Variants in PTN observed in about 807,000 individuals in gnomAD.
The protein encoded by PTN is heparin affin regulatory protein.
Under a neutral mutation model 24.1 loss-of-function variants are expected in PTN, and 18 were observed. The observed-to-expected ratio is 0.75, with a 90% CI of 0.52 to 1.11. The LOEUF is 1.11. PTN is among the 50% of genes least tolerant of loss of function. The pLI, the probability that PTN is intolerant of heterozygous loss-of-function variation, is 0.00. For synonymous variants in PTN, 78 were observed against 68.6 expected (o/e 1.14, Z -0.67); for missense variants, 163 against 198.8 (o/e 0.82, Z 1.08).
intron 1 of PTN, among the ~76,000 whole-genome samples, chr7:137,339,037 AG>A (rs1810492567): frequency 6.6e-6 from 1 of 152,106 alleles, no homozygotes; most frequent in Admixed American, 6.5e-5. Context: ...GAAAAAAAAA[AG>A]CAAAACAAAA....
At chr7:137,272,152 T>C (rs1341573771) in intron 1 of PTN, among the ~76,000 whole-genome samples, 1 of 152,216 alleles carries the variant, frequency 6.6e-6, no homozygotes, top group Non-Finnish European at 1.5e-5. Flanking sequence ...TCCTAATTCA[T>C]CTTCCTGTTG....
chr7:137,289,945 A>G (rs1264801905), intron 1 of PTN, among the ~76,000 whole-genome samples: 1 of 152,158 alleles, frequency 6.6e-6, no homozygotes, highest in African/African-American at 2.4e-5. Flanking sequence ...AATTTGTTAT[A>G]TGGTGTATTA....
At chr7:137,337,440 C>A (rs2128883754) in intron 1 of PTN, among the ~76,000 whole-genome samples, 1 of 152,052 alleles carries the variant, frequency 6.6e-6, no homozygotes, top group South Asian at 2.1e-4. Flanking sequence ...ACTCAATCTA[C>A]CTGAGTAGAG....
At chr7:137,291,211 T>C (rs1344198839) in intron 1 of PTN, among the ~76,000 whole-genome samples, 1 of 152,182 alleles carries the variant, frequency 6.6e-6, no homozygotes, top group African/African-American at 2.4e-5. Context: ...TGCACACATA[T>C]GCAATATGCC....
At chr7:137,295,479 C>G (rs557780838) in intron 1 of PTN, among the ~76,000 whole-genome samples, 20 of 152,114 alleles carry the variant, frequency 1.3e-4, no homozygotes, top group African/African-American at 4.8e-4. Flanking sequence ...CAAATAGGCA[C>G]TAGTCCCATG....
At chr7:137,278,153 A>G (rs1218355458) in intron 1 of PTN, among the ~76,000 whole-genome samples, 1 of 150,690 alleles carries the variant, frequency 6.6e-6, no homozygotes, top group East Asian at 2.0e-4. Flanking sequence ...TAAAAATACA[A>G]AAAATTAGCC....
At chr7:137,325,534 AG>A (rs2128881952) in intron 1 of PTN, 1 of 152,722 alleles carries the variant, frequency 6.5e-6, no homozygotes, top group East Asian at 1.9e-4. Context: ...CACCCAGGGC[AG>A]GGGCCCTTTC....
intron 1 of PTN, among the ~76,000 whole-genome samples, chr7:137,287,263 G>T (rs1370733600): frequency 1.3e-5 from 2 of 152,108 alleles, no homozygotes; most frequent in East Asian, 1.9e-4. Flanking sequence ...TGAACAATTT[G>T]CTGTCACCTC....
At chr7:137,236,161 G>A (rs146023040) in intron 4 of PTN, 275 of 701,900 alleles carry the variant, frequency 3.9e-4, no homozygotes, top group African/African-American at 3.8e-3. Context: ...ATCAGTAGAC[G>A]AATCCATCTC....
intron 1 of PTN, among the ~76,000 whole-genome samples, chr7:137,283,264 C>T (rs1809501880): frequency 6.6e-6 from 1 of 152,094 alleles, no homozygotes; most frequent in South Asian, 2.1e-4. Flanking sequence ...GAACAATTGC[C>T]CAGGAAGCCA....
intron 1 of PTN, among the ~76,000 whole-genome samples, chr7:137,341,267 T>G (rs1464524943): frequency 6.6e-6 from 1 of 152,230 alleles, no homozygotes; most frequent in Non-Finnish European, 1.5e-5. Flanking sequence ...CAACTAGGCT[T>G]TTATGAAATT....
intron 1 of PTN, among the ~76,000 whole-genome samples, chr7:137,312,492 T>C (rs1809998373): frequency 6.6e-6 from 1 of 152,248 alleles, no homozygotes; most frequent in South Asian, 2.1e-4. Flanking sequence ...GATGCATACT[T>C]GCAATCTCCA....
intron 1 of PTN, among the ~76,000 whole-genome samples, chr7:137,332,585 C>G (rs369826234): frequency 2.6e-5 from 4 of 152,030 alleles, no homozygotes; most frequent in Admixed American, 6.6e-5. Flanking sequence ...GCATAGACAC[C>G]GGTTAAAAAT....
intron 1 of PTN, among the ~76,000 whole-genome samples, chr7:137,268,586 G>C (rs1809206291): frequency 6.6e-6 from 1 of 152,166 alleles, no homozygotes; most frequent in African/African-American, 2.4e-5. Context: ...GAGTGAAACA[G>C]AACAGAACGG....
intron 1 of PTN, among the ~76,000 whole-genome samples, chr7:137,289,481 G>T (rs1034262733): frequency 1.3e-5 from 2 of 152,146 alleles, no homozygotes; most frequent in African/African-American, 2.4e-5. Flanking sequence ...TGACATTAAG[G>T]TTCCAAATCA....
intron 4 of PTN, among the ~76,000 whole-genome samples, chr7:137,239,580 G>A (rs1381339209): frequency 6.6e-6 from 1 of 151,636 alleles, no homozygotes; most frequent in African/African-American, 2.4e-5. Flanking sequence ...TCCCCAGAGT[G>A]TGATGTTTCC....
chr7:137,315,610 G>A (rs562258319), intron 1 of PTN, among the ~76,000 whole-genome samples: 5 of 152,230 alleles, frequency 3.3e-5, no homozygotes, highest in South Asian at 2.1e-4. Context: ...AGATCTAGCC[G>A]GATTCGAACA....
At chr7:137,283,028 G>C (rs1809497101) in intron 1 of PTN, among the ~76,000 whole-genome samples, 1 of 152,044 alleles carries the variant, frequency 6.6e-6, no homozygotes, top group Non-Finnish European at 1.5e-5. Flanking sequence ...CTAGAGTGGA[G>C]CAGGAAATAT....
chr7:137,331,840 G>A (rs1469021504), intron 1 of PTN, among the ~76,000 whole-genome samples: 1 of 152,170 alleles, frequency 6.6e-6, no homozygotes, highest in Non-Finnish European at 1.5e-5. Flanking sequence ...TGTGTACTCA[G>A]CTTGACCTTT....
Sources: gnomAD v4.1 joint callset for allele counts (sites outside exome capture counted in the v4.1 genomes callset) on GRCh38, gnomAD v4.1.1 for gene constraint, MANE v1.5 for transcripts, NCBI Gene and HGNC (gene_info 2026-07-23, HGNC 2026-07-21) for gene names.